CAMTA1: variants seen among roughly 807,000 people sequenced by gnomAD.
The protein encoded by CAMTA1 is calmodulin-binding transcription activator 1.
A neutral mutation model predicts 170.9 loss-of-function variants in CAMTA1; 27 were observed. The ratio of observed to expected loss-of-function variants is 0.16; its 90% CI spans 0.12 to 0.22. CAMTA1 has a LOEUF of 0.22. CAMTA1 is among the 10% of genes least tolerant of loss of function. The pLI is 1.00. For missense variants in CAMTA1, 1,619 were observed against 2,217.2 expected, an observed-to-expected ratio of 0.73 and a Z score of 5.42; for synonymous variants, 833 against 891.5, an observed-to-expected ratio of 0.93 and a Z score of 1.17.
rs767005100 is a variant in CAMTA1, at chr1:7,641,307, G to A, written c.664+754G>A. On this transcript the variant is annotated intron_variant, in intron 7 of 22. Coordinates refer to ENST00000303635, the MANE Select transcript of CAMTA1 (RefSeq NM_015215.4). This position sits in a 1 kb window ranked among gnomAD's most constrained non-coding sequence, Gnocchi z 4.5. Reference sequence around the variant, plus strand: ...GTTTAGTGGTGGACACGTAGCCCACGGGGTTCAGGGACATTGATGGCCAGG... The same window carrying A: ...GTTTAGTGGTGGACACGTAGCCCACAGGGTTCAGGGACATTGATGGCCAGG... Among the ~76,000 whole-genome samples the A allele has an allele frequency of 1.3e-5, 2 of 152,166 alleles. No homozygotes were observed. The highest frequency in any genetic ancestry group is 2.9e-5 in the Non-Finnish European group (2 of 68,026).
In CAMTA1 at chr1:7,570,199, A is replaced by C. The variant is rs1283187482; in HGVS notation, c.511-70201A>C. 1.3e-5 allele frequency among the ~76,000 whole-genome samples: 2 copies of C among 151,876 alleles called. No individual in the cohort carries two copies. The highest frequency in any genetic ancestry group is 4.8e-5 in the African/African-American group (2 of 41,338). On this transcript the variant is annotated intron_variant, in intron 6 of 22. Transcript: ENST00000303635. The surrounding 1 kb of genome is among the most constrained non-coding windows in gnomAD (Gnocchi z 4.3). ...TGCAGGACTGGTTGCCCCTCACGCC[A>C]CCTCCTTCCTGTGATCCAATCCTGA... is the stretch of plus-strand genomic sequence containing the variant.
At chr1:7,608,154 A>G (rs535218654) in intron 6 of CAMTA1, among the ~76,000 whole-genome samples, 1 of 152,316 alleles carries the variant, frequency 6.6e-6, no homozygotes, top group African/African-American at 2.4e-5. Context: ...TCCTGGCTTC[A>G]GACCTTGGCT....
chr1:7,264,676 C>T (rs1415186704), intron 5 of CAMTA1, among the ~76,000 whole-genome samples: 1 of 152,040 alleles, frequency 6.6e-6, no homozygotes, highest in Non-Finnish European at 1.5e-5. Flanking sequence ...AATGCGGCAG[C>T]GTTAGTTAAT....
intron 6 of CAMTA1, among the ~76,000 whole-genome samples, chr1:7,587,342 A>G (rs1182984230): frequency 6.6e-6 from 1 of 151,796 alleles, no homozygotes; most frequent in African/African-American, 2.4e-5. Flanking sequence ...GAAAGGGTGA[A>G]TCTTTCCTTC....
chr1:7,449,846 G>A (rs1011062837), intron 5 of CAMTA1, among the ~76,000 whole-genome samples: 5 of 151,932 alleles, frequency 3.3e-5, no homozygotes, highest in African/African-American at 4.8e-5. Context: ...GAACGGCAGG[G>A]ACTCAGAGCA....
intron 6 of CAMTA1, among the ~76,000 whole-genome samples, chr1:7,506,668 C>T (rs2094118127): frequency 6.6e-6 from 1 of 151,604 alleles, no homozygotes; most frequent in Non-Finnish European, 1.5e-5. Flanking sequence ...GTAAAATTCA[C>T]TCTAACATCT....
At chr1:6,884,673 G>A (rs185872495) in intron 3 of CAMTA1, among the ~76,000 whole-genome samples, 80 of 152,294 alleles carry the variant, frequency 5.3e-4, no homozygotes, top group Admixed American at 1.1e-3. Context: ...CCACTGTTAG[G>A]AAGCGAGCCC....
intron 4 of CAMTA1, among the ~76,000 whole-genome samples, chr1:7,166,325 C>T (rs1648417447): frequency 6.6e-6 from 1 of 152,202 alleles, no homozygotes; most frequent in South Asian, 2.1e-4. Flanking sequence ...CTCAGCCTCC[C>T]AAAGTGCTGG....
At chr1:7,310,651 C>CT (rs1399174975) in intron 5 of CAMTA1, among the ~76,000 whole-genome samples, 2 of 46,080 alleles carry the variant, frequency 4.3e-5, no homozygotes, top group African/African-American at 2.4e-4. Context: ...TTTCTTTTTT[C>CT]TTTCTTTCTT....
intron 3 of CAMTA1, among the ~76,000 whole-genome samples, chr1:6,905,101 T>C (rs1451397222): frequency 2.0e-5 from 3 of 152,012 alleles, no homozygotes; most frequent in African/African-American, 7.2e-5. Context: ...GTGAACTTCA[T>C]GTTTTCTCCC....
At chr1:7,052,263 T>C (rs1435978487) in intron 3 of CAMTA1, among the ~76,000 whole-genome samples, 1 of 69,570 alleles carries the variant, frequency 1.4e-5, no homozygotes, top group East Asian at 3.3e-4. Context: ...CTCTCCTGTG[T>C]TGTGGTGTTT....
intron 4 of CAMTA1, among the ~76,000 whole-genome samples, chr1:7,110,616 C>A (rs1255238644): frequency 6.6e-6 from 1 of 152,320 alleles, no homozygotes; most frequent in Admixed American, 6.5e-5. Flanking sequence ...TCTTTACAGA[C>A]AGCTGCTGCT....
chr1:7,259,935 C>G (rs761658546), intron 5 of CAMTA1, among the ~76,000 whole-genome samples: 7 of 152,198 alleles, frequency 4.6e-5, no homozygotes, highest in Non-Finnish European at 1.0e-4. Flanking sequence ...GGCATGGCAC[C>G]TAGTATTGAG....
chr1:7,005,842 C>T (rs4908433), intron 3 of CAMTA1, among the ~76,000 whole-genome samples: 21,167 of 152,204 alleles, frequency 0.14, 1,570 homozygotes, highest in Non-Finnish European at 0.18. Context: ...CAAATGGATG[C>T]GGCACTGAAA....
At chr1:7,409,834 G>A (rs982311004) in intron 5 of CAMTA1, among the ~76,000 whole-genome samples, 1 of 152,228 alleles carries the variant, frequency 6.6e-6, no homozygotes, top group Non-Finnish European at 1.5e-5. Flanking sequence ...ACCTCAGCAA[G>A]GTGACACCCA....
intron 6 of CAMTA1, among the ~76,000 whole-genome samples, chr1:7,488,536 GCA>G (rs1474183891): frequency 6.6e-6 from 1 of 151,942 alleles, no homozygotes; most frequent in African/African-American, 2.4e-5. Flanking sequence ...CAATACACAT[GCA>G]CACACATACA....
chr1:7,446,923 T>C (rs2092695037), intron 5 of CAMTA1, among the ~76,000 whole-genome samples: 1 of 152,168 alleles, frequency 6.6e-6, no homozygotes, highest in African/African-American at 2.4e-5. Flanking sequence ...GGGCAGGACA[T>C]GTGGCAGCCA....
intron 3 of CAMTA1, among the ~76,000 whole-genome samples, chr1:7,074,036 T>G (rs1638985044): frequency 1.3e-5 from 2 of 152,214 alleles, no homozygotes; most frequent in Non-Finnish European, 2.9e-5. Context: ...TGGTACTGAC[T>G]GCTGCCTGTC....
At chr1:7,110,406 G>A (rs530690913) in intron 4 of CAMTA1, among the ~76,000 whole-genome samples, 8 of 152,176 alleles carry the variant, frequency 5.3e-5, no homozygotes, top group South Asian at 4.2e-4. Context: ...ATTAATCCTC[G>A]CAACAGCTCT....
Sources: allele counts gnomAD v4.1 joint callset (sites outside exome capture counted in the v4.1 genomes callset), GRCh38; gene constraint gnomAD v4.1.1; non-coding constraint Gnocchi (gnomAD v3.1); transcripts MANE v1.5; gene names NCBI Gene and HGNC (gene_info 2026-07-23, HGNC 2026-07-21).